The following SMYD3 variants were observed in gnomAD, a reference collection of about 807,000 sequenced individuals.
SMYD3 encodes SET and MYND domain containing 3, also known as histone-lysine N-methyltransferase SMYD3.
In SMYD3, 36 loss-of-function variants were observed where a neutral mutation model predicts 57.7. The observed-to-expected ratio is 0.62, with a 90% confidence interval of 0.48 to 0.82. The LOEUF is 0.82. SMYD3 is among the 40% of genes least tolerant of loss of function. SMYD3 has a pLI of 0.00. For missense variants in SMYD3, 515 were observed against 538.8 expected, an observed-to-expected ratio of 0.96 and a Z score of 0.44; for synonymous variants, 211 against 195.0, an observed-to-expected ratio of 1.08 and a Z score of -0.68.
chr1:246,377,305 A>G (rs2066295603), intron 1 of SMYD3, among the ~76,000 whole-genome samples: 1 of 152,042 alleles, frequency 6.6e-6, no homozygotes, highest in Admixed American at 6.6e-5. Context: ...ATCTACTGCA[A>G]TGTAGCTTCT....
intron 1 of SMYD3, among the ~76,000 whole-genome samples, chr1:246,486,836 T>C (rs1470671238): frequency 6.6e-6 from 1 of 152,160 alleles, no homozygotes; most frequent in African/African-American, 2.4e-5. Flanking sequence ...TTCTCATTGA[T>C]GATCAAAGCA....
intron 5 of SMYD3, among the ~76,000 whole-genome samples, chr1:246,186,218 TAA>T (rs1337304218): frequency 3.3e-5 from 5 of 152,198 alleles, no homozygotes; most frequent in Non-Finnish European, 7.3e-5. Flanking sequence ...AGTAAGATGC[TAA>T]GTCTGATTTT....
At chr1:246,025,443 G>T (rs200952943) in intron 5 of SMYD3, among the ~76,000 whole-genome samples, 1 of 152,288 alleles carries the variant, frequency 6.6e-6, no homozygotes, top group Admixed American at 6.5e-5. Flanking sequence ...ACACAAAGAC[G>T]TCTCACATCC....
rs528826380 is a variant in SMYD3, at chr1:245,793,237, A to G, written c.1077-29088T>C. Among the ~76,000 whole-genome samples, 13 of 151,976 alleles carry G rather than the reference A, an allele frequency of 8.6e-5. No homozygotes were observed. The South Asian group carries it at 2.3e-3, about 27-fold the overall frequency. On this transcript the variant is annotated intron_variant, in intron 10 of 11. Coordinates refer to ENST00000490107, the MANE Select transcript of SMYD3 (RefSeq NM_001167740.2). ...GGCAGGAGAATCGCTTGAACCCAGG[A>G]GACGGAGCTTGAAGTGAGCCGAGAT...
chr1:246,111,536 A>G (rs1286914690), intron 5 of SMYD3: 1 of 152,342 alleles, frequency 6.6e-6, no homozygotes, highest in South Asian at 2.1e-4. Flanking sequence ...CAAGGTGTGT[A>G]TCTTTCCTCT....
chr1:245,797,566 C>T (rs6698144), intron 10 of SMYD3, among the ~76,000 whole-genome samples: 20,154 of 150,080 alleles, frequency 0.13, 1,683 homozygotes, highest in East Asian at 0.39. Flanking sequence ...AGGAGATATA[C>T]CTAATGTAAA....
intron 10 of SMYD3, among the ~76,000 whole-genome samples, chr1:245,825,274 A>G (rs898573318): frequency 6.6e-6 from 1 of 152,156 alleles, no homozygotes; most frequent in Non-Finnish European, 1.5e-5. Flanking sequence ...TAGATTTGGA[A>G]ACCCACAACG....
At chr1:245,839,413 C>A (rs923194614) in intron 10 of SMYD3, among the ~76,000 whole-genome samples, 3 of 151,970 alleles carry the variant, frequency 2.0e-5, no homozygotes, top group Non-Finnish European at 2.9e-5. Flanking sequence ...TCGTGATCCG[C>A]CCACCTCGGC....
chr1:246,374,849 T>C (rs557976347), intron 1 of SMYD3, among the ~76,000 whole-genome samples: 2 of 138,814 alleles, frequency 1.4e-5, no homozygotes, highest in Non-Finnish European at 3.1e-5. Flanking sequence ...TCCCAGCAGT[T>C]TGGGGGGCCG....
chr1:246,239,916 T>C (rs1311452292), intron 5 of SMYD3, among the ~76,000 whole-genome samples: 3 of 152,222 alleles, frequency 2.0e-5, no homozygotes, highest in Non-Finnish European at 4.4e-5. Context: ...TCATATCCTT[T>C]GCCAACTTTT....
At chr1:246,422,782 A>G (rs2067161977) in intron 1 of SMYD3, among the ~76,000 whole-genome samples, 1 of 152,128 alleles carries the variant, frequency 6.6e-6, no homozygotes, top group African/African-American at 2.4e-5. Context: ...TTTTTTTTTA[A>G]GATAGCTCTA....
chr1:246,326,698 A>G (rs2148660343), intron 5 of SMYD3: 1 of 296,778 alleles, frequency 3.4e-6, no homozygotes, highest in Admixed American at 4.8e-5. Flanking sequence ...TGGGAGGCGG[A>G]GATTGCAGTG....
intron 8 of SMYD3, among the ~76,000 whole-genome samples, chr1:245,877,076 A>C (rs2052528413): frequency 6.6e-6 from 1 of 152,158 alleles, no homozygotes. Flanking sequence ...AGAGAAGAGA[A>C]AGAGGTCCTT....
At chr1:246,261,148 T>C (rs2064003434) in intron 5 of SMYD3, among the ~76,000 whole-genome samples, 2 of 152,100 alleles carry the variant, frequency 1.3e-5, no homozygotes, top group African/African-American at 4.8e-5. Flanking sequence ...AAGCTCCGCC[T>C]CCTGGGTTCA....
chr1:245,830,253 T>C (rs528912919), intron 10 of SMYD3, among the ~76,000 whole-genome samples: 2 of 152,266 alleles, frequency 1.3e-5, no homozygotes, highest in South Asian at 2.1e-4. Flanking sequence ...GGAAAGAAGT[T>C]TAATGGACTC....
intron 1 of SMYD3, among the ~76,000 whole-genome samples, chr1:246,455,413 T>C (rs1423603445): frequency 2.0e-5 from 3 of 152,198 alleles, no homozygotes; most frequent in African/African-American, 7.2e-5. Flanking sequence ...CAGTCCTACA[T>C]TGAGAAATTT....
At chr1:246,210,965 C>T (rs928901212) in intron 5 of SMYD3, among the ~76,000 whole-genome samples, 6 of 152,112 alleles carry the variant, frequency 3.9e-5, no homozygotes, top group Non-Finnish European at 7.3e-5. Context: ...GTCCCAGGCG[C>T]GTCTGCTGTG....
chr1:246,471,692 C>T (rs2067963656), intron 1 of SMYD3, among the ~76,000 whole-genome samples: 1 of 152,188 alleles, frequency 6.6e-6, no homozygotes, highest in Non-Finnish European at 1.5e-5. Flanking sequence ...CTGTTCCACT[C>T]GGATTTCATT....
chr1:245,990,898 A>G (rs2058800221), intron 5 of SMYD3, among the ~76,000 whole-genome samples: 1 of 152,134 alleles, frequency 6.6e-6, no homozygotes, highest in Non-Finnish European at 1.5e-5. Context: ...TCCCTGTACC[A>G]GTGACCACTA....
Sources: gnomAD v4.1 joint callset for allele counts (sites outside exome capture counted in the v4.1 genomes callset) on GRCh38, gnomAD v4.1.1 for gene constraint, MANE v1.5 for transcripts, NCBI Gene and HGNC (gene_info 2026-07-23, HGNC 2026-07-21) for gene names.